Variants in PLXDC2 observed in about 807,000 individuals in gnomAD.
The protein encoded by PLXDC2 is plexin domain-containing protein 2.
Under a neutral mutation model 68.9 loss-of-function variants are expected in PLXDC2, and 40 were observed. That is an observed-to-expected ratio of 0.58 (90% confidence interval 0.45 to 0.76). The LOEUF (loss-of-function observed/expected upper bound fraction) is 0.76, where lower values mean the gene tolerates loss of function less well. Ranked by LOEUF, PLXDC2 falls within the 30% of genes least tolerant of loss-of-function variation. The probability of loss-of-function intolerance (pLI) is 0.00; values close to 1 mark genes in which losing one functional copy is unlikely to be tolerated. For missense variants in PLXDC2, 644 were observed against 661.9 expected, an observed-to-expected ratio of 0.97 and a Z score of 0.30; for synonymous variants, 243 against 234.2, an observed-to-expected ratio of 1.04 and a Z score of -0.34.
chr10:19,923,540 G>A (rs2131382843), intron 1 of PLXDC2, among the ~76,000 whole-genome samples: 1 of 152,062 alleles, frequency 6.6e-6, no homozygotes, highest in East Asian at 1.9e-4. Flanking sequence ...GATATGGGCA[G>A]AAAAAATTGC....
chr10:20,018,142 G>T (rs1835244947), intron 2 of PLXDC2, among the ~76,000 whole-genome samples: 1 of 152,160 alleles, frequency 6.6e-6, no homozygotes, highest in East Asian at 1.9e-4. Flanking sequence ...TTTCTACAGG[G>T]CCATCTCTCC....
chr10:20,161,458 T>C (rs1834290813), intron 6 of PLXDC2, among the ~76,000 whole-genome samples: 1 of 151,968 alleles, frequency 6.6e-6, no homozygotes, highest in African/African-American at 2.4e-5. Flanking sequence ...TCTCTCTTTT[T>C]TTTTTTTTGC....
chr10:19,897,979 CCT>C (rs1366718410), intron 1 of PLXDC2, among the ~76,000 whole-genome samples: 1 of 152,026 alleles, frequency 6.6e-6, no homozygotes, highest in East Asian at 1.9e-4. Flanking sequence ...GAAAAAAATA[CCT>C]GTTTCCCCTG....
chr10:20,206,474 G>T (rs1012614839), intron 9 of PLXDC2, among the ~76,000 whole-genome samples: 1 of 152,028 alleles, frequency 6.6e-6, no homozygotes, highest in Non-Finnish European at 1.5e-5. Flanking sequence ...TAGGCCAGCC[G>T]TATGTAATAG....
chr10:19,834,275 G>A (rs941302939), intron 1 of PLXDC2, among the ~76,000 whole-genome samples: 5 of 152,060 alleles, frequency 3.3e-5, no homozygotes, highest in Non-Finnish European at 5.9e-5. Flanking sequence ...GAAGCCTTTG[G>A]CAAGGCCCCT....
intron 1 of PLXDC2, among the ~76,000 whole-genome samples, chr10:19,886,166 G>T (rs536024024): frequency 2.0e-4 from 31 of 152,166 alleles, no homozygotes; most frequent in African/African-American, 7.0e-4. Context: ...GTCTGTTATT[G>T]GTGTATAGGA....
chr10:20,144,202 A>G (rs1454841497), intron 5 of PLXDC2, among the ~76,000 whole-genome samples: 1 of 152,170 alleles, frequency 6.6e-6, no homozygotes, highest in Non-Finnish European at 1.5e-5. Context: ...TTCAAAAATG[A>G]TATTTATTTG....
intron 1 of PLXDC2, among the ~76,000 whole-genome samples, chr10:19,973,311 C>CATATATATGTAT (rs1564644136): frequency 3.4e-5 from 2 of 58,002 alleles, no homozygotes; most frequent in Admixed American, 2.5e-4. Flanking sequence ...TATATATACT[C>CATATATATGTAT]ACATATATAT....
intron 1 of PLXDC2, among the ~76,000 whole-genome samples, chr10:19,863,590 G>T (rs1317155626): frequency 6.6e-6 from 1 of 152,160 alleles, no homozygotes; most frequent in Admixed American, 6.5e-5. Context: ...TAACTCCAAG[G>T]ATGGAATTTT....
intron 7 of PLXDC2, among the ~76,000 whole-genome samples, chr10:20,171,944 A>C (rs1834452208): frequency 6.6e-6 from 1 of 152,072 alleles, no homozygotes; most frequent in African/African-American, 2.4e-5. Flanking sequence ...GAGACTGGGA[A>C]GGGTGGGAGC....
rs189640685 is a variant in PLXDC2, at chr10:20,080,536, A to G, written c.541+12297A>G. Among the ~76,000 whole-genome samples the G allele has an allele frequency of 1.4e-4, 22 of 152,298 alleles. No homozygotes were observed. In the East Asian group the frequency reaches 4.1e-3, roughly 28 times the overall value. ...ATCTTAGAGTCTGATGTTCGAGGGC[A>G]GGAAACATCCAGCATTGGAGAAAGA... On this transcript the variant is annotated intron_variant, in intron 4 of 13. Transcript: ENST00000377252.
chr10:20,068,095 A>T, intron 3 of PLXDC2, 75 bp from the exon 4 acceptor site: 2 of 1,289,232 alleles, frequency 1.6e-6, no homozygotes, highest in African/African-American at 1.5e-5. Flanking sequence ...TTTTTGTTTT[A>T]AGTGAAAGGC....
At chr10:20,076,840 C>T (rs926966105) in intron 4 of PLXDC2, among the ~76,000 whole-genome samples, 2 of 152,116 alleles carry the variant, frequency 1.3e-5, no homozygotes, top group African/African-American at 4.8e-5. Context: ...TTTTTTGGTG[C>T]TGTTCAGAAT....
At chr10:20,274,039 G>A (rs1055356790) in intron 13 of PLXDC2, among the ~76,000 whole-genome samples, 1 of 136,818 alleles carries the variant, frequency 7.3e-6, no homozygotes, top group South Asian at 2.8e-4. Context: ...ATACTGTCTC[G>A]AAAGAAAGAC....
At chr10:19,934,943 G>C (rs1833698358) in intron 1 of PLXDC2, among the ~76,000 whole-genome samples, 1 of 152,194 alleles carries the variant, frequency 6.6e-6, no homozygotes, top group Non-Finnish European at 1.5e-5. Context: ...CAGGAGATGT[G>C]TTGACTTGTA....
intron 2 of PLXDC2, among the ~76,000 whole-genome samples, chr10:20,034,392 G>C (rs1470619475): frequency 6.6e-6 from 1 of 152,066 alleles, no homozygotes; most frequent in Admixed American, 6.6e-5. Flanking sequence ...CATAATATAT[G>C]CTATTAATGT....
At chr10:19,829,146 G>C (rs1430496817) in intron 1 of PLXDC2, among the ~76,000 whole-genome samples, 2 of 136,506 alleles carry the variant, frequency 1.5e-5, no homozygotes, top group East Asian at 2.1e-4. Context: ...TTTGGTGCAC[G>C]CTTTCCTCTT....
At chr10:19,962,076 G>C (rs1834162579) in intron 1 of PLXDC2, among the ~76,000 whole-genome samples, 1 of 152,132 alleles carries the variant, frequency 6.6e-6, no homozygotes, top group Non-Finnish European at 1.5e-5. Context: ...TTCAAATGTG[G>C]AAAGAAATAA....
At chr10:19,860,575 C>T (rs978937390) in intron 1 of PLXDC2, among the ~76,000 whole-genome samples, 4 of 152,138 alleles carry the variant, frequency 2.6e-5, no homozygotes, top group South Asian at 2.1e-4. Flanking sequence ...TTTCTCTACT[C>T]GAGATCTGCC....
Sources: gnomAD v4.1 joint callset for allele counts (sites outside exome capture counted in the v4.1 genomes callset) on GRCh38, gnomAD v4.1.1 for gene constraint, MANE v1.5 for transcripts, NCBI Gene and HGNC (gene_info 2026-07-23, HGNC 2026-07-21) for gene names.